PCDHGB5: variants seen among roughly 807,000 people sequenced by gnomAD.
The protein encoded by PCDHGB5 is protocadherin gamma-B5.
In PCDHGB5, 48 loss-of-function variants were observed where a neutral mutation model predicts 62.9. The ratio of observed to expected loss-of-function variants is 0.76; its 90% CI spans 0.61 to 0.97. PCDHGB5 has a LOEUF of 0.97. PCDHGB5 is among the 50% of genes least tolerant of loss of function. PCDHGB5 has a pLI of 0.00. For synonymous variants in PCDHGB5, 474 were observed against 511.2 expected (o/e 0.93, Z 0.98); for missense variants, 1,118 against 1,198.6 (o/e 0.93, Z 0.99).
At chr5:141,410,600 C>T in intron 1 of PCDHGB5, 1 of 1,608,048 alleles carries the variant, frequency 6.2e-7, no homozygotes, top group Non-Finnish European at 8.5e-7. Flanking sequence ...TTTGACTTCA[C>T]ATCCTGAGAC....
chr5:141,511,202 C>T lies in PCDHGB5; in HGVS notation c.*29C>T, dbSNP rs201024828. 2.0e-3 allele frequency: 3,296 copies of T among 1,612,132 alleles called. 7 individuals carry two copies. Among genetic ancestry groups the T allele is most frequent in the Middle Eastern group, 0.013 (77 of 6,006 alleles). On this transcript the variant is annotated 3_prime_UTR_variant, in exon 4 of 4. Coordinates refer to ENST00000617380, the MANE Select transcript of PCDHGB5 (RefSeq NM_018925.3). ...GGAGGCCAGGCCAAGAGCCACAGGG[C>T]GGCCTCTCCCCAACCAGCCCAGCTT...
In PCDHGB5 at chr5:141,432,293, G is replaced by T. The variant is rs765631138; in HGVS notation, c.2397+31769G>T. ...CTACGTGTCCATCAACTCCGACACT[G>T]GGGTACTGTATGCGCTGAGCTCCTT... On this transcript the variant is annotated intron_variant, in intron 1 of 3. Coordinates refer to ENST00000617380, the MANE Select transcript of PCDHGB5 (RefSeq NM_018925.3). The surrounding 1 kb of genome is among the most constrained non-coding windows in gnomAD (Gnocchi z 6.0). 1.2e-6 allele frequency: 2 copies of T among 1,614,136 alleles called. No individual in the cohort carries two copies. Among genetic ancestry groups the T allele is most frequent in the African/African-American group, 1.3e-5 (1 of 74,950 alleles).
chr5:141,498,265 T>G (rs2099782779), intron 2 of PCDHGB5, among the ~76,000 whole-genome samples: 2 of 152,010 alleles, frequency 1.3e-5, no homozygotes, highest in Non-Finnish European at 2.9e-5. Context: ...TGTTGAGTTC[T>G]TCAGTAAACT....
At chr5:141,406,072 CTTT>C (rs530474569) in intron 1 of PCDHGB5, among the ~76,000 whole-genome samples, 2 of 141,478 alleles carry the variant, frequency 1.4e-5, no homozygotes. Context: ...ATTCTTACTC[CTTT>C]TTTTTTTTTT....
At chr5:141,402,124 A>G (rs150020541) in intron 1 of PCDHGB5, among the ~76,000 whole-genome samples, 1 of 152,254 alleles carries the variant, frequency 6.6e-6, no homozygotes, top group East Asian at 1.9e-4. Flanking sequence ...AAAATTTCCA[A>G]CTTTAATCCT....
At chr5:141,426,037 G>A (rs2096911238) in intron 1 of PCDHGB5, among the ~76,000 whole-genome samples, 1 of 152,176 alleles carries the variant, frequency 6.6e-6, no homozygotes, top group South Asian at 2.1e-4. Flanking sequence ...TCAGAGCCCT[G>A]CTGTTGGCCA....
chr5:141,510,229 C>T (rs904367594), intron 3 of PCDHGB5, among the ~76,000 whole-genome samples: 3 of 150,486 alleles, frequency 2.0e-5, no homozygotes, highest in African/African-American at 7.4e-5. Context: ...GCCGGGATCG[C>T]GCCACTGCAC....
intron 1 of PCDHGB5, among the ~76,000 whole-genome samples, chr5:141,407,512 T>C (rs910710605): frequency 6.6e-6 from 1 of 152,192 alleles, no homozygotes; most frequent in East Asian, 1.9e-4. Context: ...TCTTAGGCTA[T>C]GTAGGACTTA....
intron 1 of PCDHGB5, chr5:141,421,800 G>T (rs995129799): frequency 1.2e-6 from 2 of 1,613,728 alleles, no homozygotes. Flanking sequence ...ATGGGGCCAA[G>T]AATCCAGAGC....
intron 1 of PCDHGB5, chr5:141,412,461 A>G (rs184499850): frequency 3.4e-4 from 52 of 152,338 alleles, no homozygotes; most frequent in African/African-American, 1.2e-3. Flanking sequence ...ACTATTCTAG[A>G]AGAGTACTTT....
At chr5:141,494,648 T>G in intron 1 of PCDHGB5, 159 bp from the exon 2 acceptor site, 1 of 946,506 alleles carries the variant, frequency 1.1e-6, no homozygotes, top group Non-Finnish European at 1.3e-6. Flanking sequence ...ACCTGAGGTG[T>G]ATTTTGTCTT....
chr5:141,471,046 C>CTTTT (rs1170588345), intron 1 of PCDHGB5, among the ~76,000 whole-genome samples: 3 of 113,278 alleles, frequency 2.6e-5, no homozygotes, highest in African/African-American at 7.1e-5. Flanking sequence ...CCCAAGCCCT[C>CTTTT]TTTTTTTTTT....
intron 1 of PCDHGB5, chr5:141,422,864 AC>A (rs2096680510): frequency 1.9e-6 from 3 of 1,614,190 alleles, no homozygotes; most frequent in Non-Finnish European, 2.5e-6. Flanking sequence ...CTCAGCAGCA[AC>A]GTGTCGCTGA....
chr5:141,487,530 T>C lies in PCDHGB5; in HGVS notation c.2398-7277T>C. The stretch of plus-strand genomic sequence containing the variant: ...GCACCCACTCGGAGTGATAGCTTCA[T>C]GATGGTGAAGTCACCCAGTGCACCT... On this transcript the variant is annotated intron_variant, in intron 1 of 3. Coordinates refer to ENST00000617380, the MANE Select transcript of PCDHGB5 (RefSeq NM_018925.3). This position sits in a 1 kb window ranked among gnomAD's most constrained non-coding sequence, Gnocchi z 5.0. The C allele has an allele frequency of 6.2e-7, 1 of 1,614,218 alleles. No individual in the cohort carries two copies. The highest frequency in any genetic ancestry group is 8.5e-7 in the Non-Finnish European group (1 of 1,180,040).
rs192631651 is a variant in PCDHGB5, at chr5:141,432,052, C to G, written c.2397+31528C>G. On this transcript the variant is annotated intron_variant, in intron 1 of 3. Transcript: ENST00000617380. The surrounding 1 kb of genome is among the most constrained non-coding windows in gnomAD (Gnocchi z 6.0). Reference sequence around the variant, plus strand: ...CCGCCACTGACCGGGGAACCCCGCCCCTATCCACGGAAACTCATATCTCGC... The same window carrying G: ...CCGCCACTGACCGGGGAACCCCGCCGCTATCCACGGAAACTCATATCTCGC... The G allele has an allele frequency of 8.1e-6, 13 of 1,614,226 alleles. No homozygotes were observed. In the Admixed American group the frequency reaches 1.8e-4, roughly 23 times the overall value.
Position 141,511,400 on chromosome 5 carries a change from T to C in PCDHGB5, c.*227T>C. The C allele has an allele frequency of 2.0e-6, 2 of 982,250 alleles. No individual in the cohort carries two copies. Among genetic ancestry groups the C allele is most frequent in the Non-Finnish European group, 2.9e-6 (2 of 688,054 alleles). The allele number at this position is 982,250 out of a possible 1,614,324, so 60.8% of individuals were successfully genotyped here. On this transcript the variant is annotated 3_prime_UTR_variant, in exon 4 of 4. Coordinates refer to ENST00000617380, the MANE Select transcript of PCDHGB5 (RefSeq NM_018925.3). ...AGTTCCGCTGGGAACCCCCATCCAA[T>C]CAACTGCTGTACCCATGGGGGTAGT...
Position 141,485,597 on chromosome 5 carries a change from A to G in PCDHGB5, c.2398-9210A>G. On this transcript the variant is annotated intron_variant, in intron 1 of 3. Coordinates refer to ENST00000617380, the MANE Select transcript of PCDHGB5 (RefSeq NM_018925.3). This position sits in a 1 kb window ranked among gnomAD's most constrained non-coding sequence, Gnocchi z 5.7. ...TCCGCGGCAGCAGCTGGACTTGGAA[A>G]TTGGGGAGGCAGCTCCTCCAGGACA... The G allele has an allele frequency of 6.2e-7, 1 of 1,612,468 alleles. No homozygotes were observed. The highest frequency in any genetic ancestry group is 8.5e-7 in the Non-Finnish European group (1 of 1,178,718).
At chr5:141,410,196 C>T (rs773310778) in intron 1 of PCDHGB5, 3 of 1,613,984 alleles carry the variant, frequency 1.9e-6, no homozygotes, top group East Asian at 4.5e-5. Context: ...CTGGTCTTCG[C>T]AGACAACTTG....
At chr5:141,452,948 G>A (rs2098752873) in intron 1 of PCDHGB5, among the ~76,000 whole-genome samples, 1 of 152,134 alleles carries the variant, frequency 6.6e-6, no homozygotes, top group African/African-American at 2.4e-5. Context: ...CTTGCAATTG[G>A]TTGTCTTTAA....
Sources: allele counts gnomAD v4.1 joint callset (sites outside exome capture counted in the v4.1 genomes callset), GRCh38; gene constraint gnomAD v4.1.1; non-coding constraint Gnocchi (gnomAD v3.1); transcripts MANE v1.5; gene names NCBI Gene and HGNC (gene_info 2026-07-23, HGNC 2026-07-21).